Variants in CHD2 observed in about 807,000 individuals in gnomAD.
CHD2 encodes ATP-dependent chromatin remodeler CHD2.
In CHD2, 28 loss-of-function variants were observed where a neutral mutation model predicts 243.9. The ratio of observed to expected loss-of-function variants is 0.11; its 90% CI spans 0.09 to 0.16. The LOEUF (loss-of-function observed/expected upper bound fraction) is 0.16. CHD2 is among the 10% of genes least tolerant of loss of function. The pLI is 1.00. For missense variants in CHD2, 1,386 were observed against 2,209.8 expected (o/e 0.63, Z 7.47); for synonymous variants, 775 against 779.0 (o/e 0.99, Z 0.09).
Position 93,020,182 on chromosome 15 carries a change from A to G in CHD2, c.5077A>G (p.Asn1693Asp). ...CCGTTCCGGAAGCTATCGACCCAAC[A>G]ACATGTCCAGAAAGAGGCCTTATGA... is the stretch of plus-strand genomic sequence containing the variant. ...AHRSGSYRPN[N>D]MSRKRPYDQY... The change falls in exon 38 of 39, where the codon AAC (asparagine) becomes GAC (aspartate). Residue 1693 changes from asparagine (N) to aspartate (D), a missense_variant. Physicochemically the swap from Asn to Asp is conservative, Grantham distance 23 (BLOSUM62 1). Transcript: ENST00000394196. 6.2e-7 allele frequency: 1 copy of G among 1,614,150 alleles called. No individual in the cohort carries two copies. The highest frequency in any genetic ancestry group is 2.2e-5 in the East Asian group (1 of 44,884).
chr15:93,001,818 A>G (rs2054260544), intron 32 of CHD2, among the ~76,000 whole-genome samples: 1 of 152,200 alleles, frequency 6.6e-6, no homozygotes, highest in African/African-American at 2.4e-5. Context: ...TGCCTGGCCA[A>G]TACATACGTA....
intron 26 of CHD2, among the ~76,000 whole-genome samples, chr15:92,988,888 A>G (rs900494775): frequency 1.3e-5 from 2 of 151,768 alleles, no homozygotes; most frequent in Admixed American, 1.3e-4. Context: ...TTAATTCTCT[A>G]GGCAGACTTT....
At chr15:93,001,541 G>A (rs902344955) in intron 32 of CHD2, among the ~76,000 whole-genome samples, 1 of 152,110 alleles carries the variant, frequency 6.6e-6, no homozygotes, top group African/African-American at 2.4e-5. Flanking sequence ...TTTTGAGATG[G>A]AGTCTTGCTT....
chr15:92,942,541 C>T (rs904091966), intron 8 of CHD2, among the ~76,000 whole-genome samples: 4 of 151,180 alleles, frequency 2.6e-5, no homozygotes, highest in Non-Finnish European at 5.9e-5. Context: ...ATTTGTTTTC[C>T]GAGTTAGTAA....
chr15:92,959,128 G>A (rs2053653555), intron 16 of CHD2, among the ~76,000 whole-genome samples: 1 of 152,192 alleles, frequency 6.6e-6, no homozygotes. Flanking sequence ...TGTATGGATT[G>A]TGCTTTAGAT....
At chr15:92,913,408 C>T (rs2052777140) in intron 2 of CHD2, among the ~76,000 whole-genome samples, 1 of 152,168 alleles carries the variant, frequency 6.6e-6, no homozygotes, top group African/African-American at 2.4e-5. Flanking sequence ...AGGTTTGTCC[C>T]CTTCCATTAC....
intron 9 of CHD2, 58 bp from the exon 10 acceptor site, chr15:92,944,357 G>A (rs1372227420): frequency 1.1e-6 from 1 of 942,648 alleles, no homozygotes; most frequent in Non-Finnish European, 1.7e-6. Context: ...TTGCTTTGAT[G>A]TATGTGGATC....
chr15:92,973,082 C>A (rs1423445042), intron 19 of CHD2, among the ~76,000 whole-genome samples: 2 of 152,064 alleles, frequency 1.3e-5, no homozygotes, highest in Non-Finnish European at 2.9e-5. Flanking sequence ...TTCCAGGAGC[C>A]CAAATCCTAG....
intron 34 of CHD2, among the ~76,000 whole-genome samples, chr15:93,006,242 T>C (rs893261323): frequency 6.0e-5 from 9 of 149,918 alleles, no homozygotes; most frequent in African/African-American, 2.2e-4. Context: ...TTCTCCTGCC[T>C]CAGCCTCCTG....
chr15:92,924,878 G>A (rs771370811), intron 3 of CHD2, among the ~76,000 whole-genome samples: 2 of 152,096 alleles, frequency 1.3e-5, no homozygotes, highest in East Asian at 1.9e-4. Context: ...TTGGCTCACT[G>A]CAATCTCCGC....
At chr15:92,949,348 T>A (rs2053520624) in intron 13 of CHD2, 1 of 672,776 alleles carries the variant, frequency 1.5e-6, no homozygotes, top group African/African-American at 1.9e-5. Flanking sequence ...TATCATCATA[T>A]GTTACTCATG....
At chr15:93,017,241 T>C (rs2054473093) in intron 37 of CHD2, among the ~76,000 whole-genome samples, 1 of 152,200 alleles carries the variant, frequency 6.6e-6, no homozygotes, top group African/African-American at 2.4e-5. Context: ...AGTCATCTCT[T>C]AACTCTTTGA....
At chr15:92,963,664 A>G (rs571136726) in intron 16 of CHD2, among the ~76,000 whole-genome samples, 1 of 152,296 alleles carries the variant, frequency 6.6e-6, no homozygotes, top group South Asian at 2.1e-4. Flanking sequence ...CTTTATTTAC[A>G]TATTGCAAAT....
At chr15:92,953,731 A>G in intron 14 of CHD2, 158 bp downstream of exon 14, 1 of 658,268 alleles carries the variant, frequency 1.5e-6, no homozygotes, top group Non-Finnish European at 2.6e-6. Flanking sequence ...ACAAAAGTGC[A>G]ACTCAGATGT....
intron 20 of CHD2, 54 bp from the exon 21 acceptor site, chr15:92,978,180 G>T: frequency 6.2e-7 from 1 of 1,609,322 alleles, no homozygotes; most frequent in South Asian, 1.1e-5. Flanking sequence ...ATTGGACTGT[G>T]AAACTGTTTC....
intron 17 of CHD2, among the ~76,000 whole-genome samples, chr15:92,970,265 G>A (rs1048659726): frequency 1.3e-5 from 2 of 151,982 alleles, no homozygotes; most frequent in East Asian, 1.9e-4. Flanking sequence ...GTGATTGTGT[G>A]ATCTCAGCTC....
At chr15:92,904,928 A>G in intron 2 of CHD2, 1 of 1,536,048 alleles carries the variant, frequency 6.5e-7, no homozygotes, top group Non-Finnish European at 8.7e-7. Context: ...AACAAAGGGA[A>G]GATTATTTGA....
At chr15:92,937,738 C>G (rs1288658973) in intron 6 of CHD2, 113 bp downstream of exon 6, 3 of 748,108 alleles carry the variant, frequency 4.0e-6, no homozygotes, top group Admixed American at 3.1e-5. Context: ...TGTTTTGATT[C>G]TGCGTTTTAG....
intron 34 of CHD2, 74 bp from the exon 35 acceptor site, chr15:93,009,071 A>G: frequency 6.6e-7 from 1 of 1,516,190 alleles, no homozygotes; most frequent in Admixed American, 1.9e-5. Flanking sequence ...GTTTTCATCG[A>G]GAGCACAGTA....
Sources: allele counts gnomAD v4.1 joint callset (sites outside exome capture counted in the v4.1 genomes callset), GRCh38; gene constraint gnomAD v4.1.1; transcripts MANE v1.5; gene names NCBI Gene and HGNC (gene_info 2026-07-23, HGNC 2026-07-21).